Variants in FBXO11 observed in about 807,000 individuals in gnomAD.
The protein encoded by FBXO11 is F-box protein 11.
In FBXO11, 13 loss-of-function variants were observed where a neutral mutation model predicts 117.0. That is an observed-to-expected ratio of 0.11 (90% CI 0.07 to 0.18). FBXO11 has a LOEUF of 0.18. Among genes scored for constraint, FBXO11 ranks in the 10% least tolerant of loss-of-function variants. FBXO11 has a pLI of 1.00. For synonymous variants in FBXO11, 490 were observed against 380.5 expected (o/e 1.29, Z -3.35); for missense variants, 767 against 1,164.4 (o/e 0.66, Z 4.97).
At chr2:47,900,715 TAC>T (rs1413731180) in intron 1 of FBXO11, among the ~76,000 whole-genome samples, 1 of 94,002 alleles carries the variant, frequency 1.1e-5, no homozygotes, top group East Asian at 2.5e-4. Flanking sequence ...TGTATATATA[TAC>T]ACGTATACAC....
In FBXO11 at chr2:47,905,660, G is replaced by C; in HGVS notation, c.61C>G (p.Gln21Glu). The C allele has an allele frequency of 1.3e-6, 2 of 1,497,970 alleles. No homozygotes were observed. The highest frequency in any genetic ancestry group is 1.8e-6 in the Non-Finnish European group (2 of 1,125,516). 92.8% of individuals were successfully genotyped at this position (1,497,970 alleles called of 1,614,324 possible). A position where few individuals can be genotyped will look rare whatever the true frequency, so the allele number is the denominator to read the frequency against. ...TGCGGGGGCTGCTGCTGCTGTTGCT[G>C]CACCGGGCGCGGCCGCGACACTCGC... ...PRRVSRPRPVQQQQQQPPQQP... is the reference protein window; with the variant it reads ...PRRVSRPRPVEQQQQQPPQQP... The change falls in exon 1 of 23, where the codon CAG (glutamine) becomes GAG (glutamate). Residue 21 changes from glutamine to glutamate, a missense_variant. Coordinates refer to ENST00000403359, the MANE Select transcript of FBXO11 (RefSeq NM_001190274.2).
At chr2:47,838,061 CA>C (rs11286219) in intron 4 of FBXO11, among the ~76,000 whole-genome samples, 59,912 of 104,518 alleles carry the variant, frequency 0.57, 15,461 homozygotes, top group East Asian at 0.91. Context: ...CCCTTTGTCT[CA>C]AAAAAAAAAA....
At chr2:47,840,246 G>A (rs924794953) in intron 1 of FBXO11, among the ~76,000 whole-genome samples, 1 of 151,954 alleles carries the variant, frequency 6.6e-6, no homozygotes, top group Non-Finnish European at 1.5e-5. Context: ...CCCAGCCGTG[G>A]AAGACTTTTT....
At chr2:47,823,056 C>T in intron 12 of FBXO11, 87 bp downstream of exon 12, 1 of 924,324 alleles carries the variant, frequency 1.1e-6, no homozygotes, top group Non-Finnish European at 1.6e-6. Flanking sequence ...CTAACAAAAA[C>T]TTTCAAGAGT....
At position 47,809,855 on chromosome 2, in the gene FBXO11, AACC is replaced by A. The variant is rs1447020440; in HGVS notation, c.2339-151_2339-149del. 24 of 566,550 alleles carry A rather than the reference AACC, an allele frequency of 4.2e-5. No individual in the cohort carries two copies. In the East Asian group the frequency reaches 5.0e-4, roughly 12 times the overall value. The allele number at this position is 566,550 out of a possible 1,614,324, so 35.1% of individuals were successfully genotyped here. ...TGAATAAAATGTAGATACCTATTTC[AACC>A]ACCAACAGTAACATTCACTTATCAA... On this transcript the variant is annotated intron_variant, in intron 19 of 22. Coordinates refer to ENST00000403359, the MANE Select transcript of FBXO11 (RefSeq NM_001190274.2).
At chr2:47,866,381 CTG>C (rs1279355669) in intron 1 of FBXO11, among the ~76,000 whole-genome samples, 4 of 151,796 alleles carry the variant, frequency 2.6e-5, no homozygotes, top group Admixed American at 2.6e-4. Flanking sequence ...AATGAGGGTG[CTG>C]TGTTACAGGG....
chr2:47,835,373 G>T (rs1231643433), intron 5 of FBXO11, among the ~76,000 whole-genome samples: 1 of 152,176 alleles, frequency 6.6e-6, no homozygotes, highest in Admixed American at 6.5e-5. Flanking sequence ...CAGACCCATT[G>T]AAATCACAAC....
intron 1 of FBXO11, among the ~76,000 whole-genome samples, chr2:47,850,708 A>G (rs1039561330): frequency 1.3e-5 from 2 of 152,210 alleles, no homozygotes; most frequent in African/African-American, 4.8e-5. Context: ...ATTAAAAGAA[A>G]ATCTCCAACT....
At chr2:47,855,819 C>G (rs140543127) in intron 1 of FBXO11, among the ~76,000 whole-genome samples, 1 of 147,614 alleles carries the variant, frequency 6.8e-6, no homozygotes, top group Admixed American at 6.8e-5. Context: ...GCAACAAGAG[C>G]GAAACTCCAT....
chr2:47,834,053 T>C (rs1672373476), intron 7 of FBXO11, among the ~76,000 whole-genome samples: 1 of 152,136 alleles, frequency 6.6e-6, no homozygotes, highest in African/African-American at 2.4e-5. Context: ...AGTACTAACA[T>C]TAGGAAACAT....
At chr2:47,892,337 C>A (rs1677315611) in intron 1 of FBXO11, among the ~76,000 whole-genome samples, 1 of 152,216 alleles carries the variant, frequency 6.6e-6, no homozygotes, top group African/African-American at 2.4e-5. Flanking sequence ...AGATATTTCA[C>A]CCGAAAGGGT....
chr2:47,837,478 G>C (rs1181611623), intron 4 of FBXO11, among the ~76,000 whole-genome samples: 9 of 152,186 alleles, frequency 5.9e-5, no homozygotes, highest in African/African-American at 1.9e-4. Context: ...AGTGAGTCAA[G>C]ATTGTGCCAC....
At position 47,892,067 on chromosome 2, in the gene FBXO11, T is replaced by A. The variant is rs1460262316; in HGVS notation, c.232+13422A>T. ...AAATATTTTCTCCCATTTCATAGGA[T>A]GCCCTTTCACTTTGTTGACTGTTTC... On this transcript the variant is annotated intron_variant, in intron 1 of 22. Coordinates refer to ENST00000403359, the MANE Select transcript of FBXO11 (RefSeq NM_001190274.2). 2.6e-5 allele frequency among the ~76,000 whole-genome samples: 4 copies of A among 152,236 alleles called. No individual in the cohort carries two copies. In the East Asian group the frequency reaches 5.8e-4, roughly 22 times the overall value.
At chr2:47,903,166 A>G (rs376077011) in intron 1 of FBXO11, among the ~76,000 whole-genome samples, 93 of 152,246 alleles carry the variant, frequency 6.1e-4, no homozygotes, top group African/African-American at 2.1e-3. Context: ...AAAGAATAAC[A>G]TATTTTTCCA....
chr2:47,841,279 C>CT (rs1672993009), intron 1 of FBXO11, among the ~76,000 whole-genome samples: 1 of 152,130 alleles, frequency 6.6e-6, no homozygotes, highest in Non-Finnish European at 1.5e-5. Flanking sequence ...CTTACATAAA[C>CT]TGAATCACCA....
At chr2:47,828,586 G>A (rs945318940) in intron 11 of FBXO11, among the ~76,000 whole-genome samples, 2 of 150,950 alleles carry the variant, frequency 1.3e-5, no homozygotes, top group Non-Finnish European at 3.0e-5. Flanking sequence ...TCCAGCCTGG[G>A]TGACAGAGTG....
chr2:47,877,534 TTCTG>T (rs1676097349), intron 1 of FBXO11, among the ~76,000 whole-genome samples: 1 of 152,200 alleles, frequency 6.6e-6, no homozygotes, highest in South Asian at 2.1e-4. Context: ...TTAGTTTTTC[TTCTG>T]TATTTTCGAA....
At position 47,842,025 on chromosome 2, in the gene FBXO11, T is replaced by A. The variant is rs934087806; in HGVS notation, c.233-2256A>T. Among the ~76,000 whole-genome samples the A allele has an allele frequency of 6.0e-5, 9 of 150,868 alleles. No homozygotes were observed. In the East Asian group the frequency reaches 1.2e-3, roughly 20 times the overall value. ...GAGAATATCAGTTTTATTTTTATTTTTTTTTTTTGAGACAGAGTCTCGCCC... is the reference window on the plus strand; with the variant it reads ...GAGAATATCAGTTTTATTTTTATTTATTTTTTTTGAGACAGAGTCTCGCCC... On this transcript the variant is annotated intron_variant, in intron 1 of 22. Coordinates refer to ENST00000403359, the MANE Select transcript of FBXO11 (RefSeq NM_001190274.2).
intron 16 of FBXO11, 176 bp from the exon 17 acceptor site, chr2:47,814,043 C>G: frequency 1.8e-6 from 1 of 543,704 alleles, no homozygotes; most frequent in Non-Finnish European, 3.3e-6. Flanking sequence ...TCCTGTATTT[C>G]CCACAGAACA....
Sources: allele counts gnomAD v4.1 joint callset (sites outside exome capture counted in the v4.1 genomes callset), GRCh38; gene constraint gnomAD v4.1.1; transcripts MANE v1.5; gene names NCBI Gene and HGNC (gene_info 2026-07-23, HGNC 2026-07-21).